Variants in EPS15 observed in about 807,000 individuals in gnomAD.
EPS15 encodes epidermal growth factor receptor substrate 15.
EPS15 carries 72 observed loss-of-function variants against 113.8 expected under a neutral mutation model. That is an observed-to-expected ratio of 0.63 (90% confidence interval 0.52 to 0.77). The LOEUF is 0.77. Among genes scored for constraint, EPS15 ranks in the 30% least tolerant of loss-of-function variants. EPS15 has a pLI of 0.00. For missense variants in EPS15, 1,048 were observed against 1,045.8 expected, an observed-to-expected ratio of 1.00 and a Z score of -0.03; for synonymous variants, 344 against 363.4, an observed-to-expected ratio of 0.95 and a Z score of 0.61.
chr1:51,480,255 A>T (rs967817704), intron 2 of EPS15, among the ~76,000 whole-genome samples: 7 of 152,366 alleles, frequency 4.6e-5, no homozygotes, highest in Admixed American at 4.6e-4. Flanking sequence ...CATAATCATA[A>T]GGTAGTGAGA....
intron 9 of EPS15, among the ~76,000 whole-genome samples, chr1:51,447,331 T>A (rs1462532905): frequency 6.6e-6 from 1 of 152,184 alleles, no homozygotes; most frequent in East Asian, 1.9e-4. Flanking sequence ...TAGGTGCACA[T>A]TTTTACTTTT....
chr1:51,473,601 A>G (rs1386581951), intron 2 of EPS15, among the ~76,000 whole-genome samples: 1 of 151,276 alleles, frequency 6.6e-6, no homozygotes, highest in East Asian at 1.9e-4. Context: ...CAAACAAACA[A>G]CAACAACAAC....
At chr1:51,510,485 A>C (rs1644600201) in intron 1 of EPS15, among the ~76,000 whole-genome samples, 1 of 152,214 alleles carries the variant, frequency 6.6e-6, no homozygotes, top group Admixed American at 6.5e-5. Context: ...AAAAGTATTT[A>C]GTATTTATTA....
intron 21 of EPS15, among the ~76,000 whole-genome samples, chr1:51,377,979 T>G (rs1263865146): frequency 6.7e-6 from 1 of 148,182 alleles, no homozygotes; most frequent in Non-Finnish European, 1.5e-5. Flanking sequence ...CACTGCAACC[T>G]CAGCCTCCTG....
At position 51,447,161 on chromosome 1, in the gene EPS15, T is replaced by C. The variant is rs1265007019; in HGVS notation, c.652-56A>G. ...CCAAAATGAAACAAACTTTGAAGTG[T>C]CACTCTTTCAATCCATTACAATATC... On this transcript the variant is annotated intron_variant, in intron 9 of 24. Coordinates refer to ENST00000371733, the MANE Select transcript of EPS15 (RefSeq NM_001981.3). 4.8e-6 allele frequency: 7 copies of C among 1,470,802 alleles called. No homozygotes were observed. The African/African-American group carries it at 8.4e-5, about 18-fold the overall frequency. The allele number at this position is 1,470,802 out of a possible 1,614,324, so 91.1% of individuals were successfully genotyped here.
intron 8 of EPS15, chr1:51,458,094 G>A (rs1046808748): frequency 6.6e-6 from 1 of 151,870 alleles, no homozygotes; most frequent in African/African-American, 2.4e-5. Flanking sequence ...AGAGGGAACA[G>A]GAGAAGCAGT....
At chr1:51,434,932 A>C (rs563960208) in intron 12 of EPS15, among the ~76,000 whole-genome samples, 1 of 152,126 alleles carries the variant, frequency 6.6e-6, no homozygotes, top group African/African-American at 2.4e-5. Flanking sequence ...TCAGCCTCCC[A>C]AAGTGCTGGG....
intron 7 of EPS15, 103 bp from the exon 8 acceptor site, chr1:51,461,253 C>A: frequency 1.3e-6 from 1 of 790,902 alleles, no homozygotes; most frequent in Non-Finnish European, 2.2e-6. Context: ...TGGCTCATGC[C>A]CATATGGCCT....
Position 51,421,796 on chromosome 1 carries a change from C to T in EPS15, c.1103G>A (p.Ser368Asn), listed in dbSNP as rs191037400. The T allele has an allele frequency of 6.3e-7, 1 of 1,592,038 alleles. No homozygotes were observed. ...TTTATGGTCACTTACCTGAACCTCACTTGTCCTCTGTTTAATAGTATCTTC... is the reference window on the plus strand; with the variant it reads ...TTTATGGTCACTTACCTGAACCTCATTTGTCCTCTGTTTAATAGTATCTTC... ...EKEDTIKQRT[S>N]EVQDLQDEVQ... Residue 368 changes from serine to asparagine, a missense_variant, in exon 13 of 25, where the codon AGT becomes AAT. Ser to Asn is a conservative substitution (Grantham distance 46). Transcript: ENST00000371733.
intron 9 of EPS15, among the ~76,000 whole-genome samples, chr1:51,447,681 T>C (rs1002146983): frequency 6.6e-6 from 1 of 152,202 alleles, no homozygotes; most frequent in African/African-American, 2.4e-5. Context: ...ACATGCCATG[T>C]TAGCATGGAG....
At chr1:51,437,111 G>A (rs1477704999) in intron 12 of EPS15, among the ~76,000 whole-genome samples, 2 of 151,860 alleles carry the variant, frequency 1.3e-5, no homozygotes, top group Non-Finnish European at 2.9e-5. Flanking sequence ...TATACCTAAA[G>A]GTATCTCGCA....
rs114625228 is a variant in EPS15 at position 51,447,946 on chromosome 1, G to A, written c.651+100C>T. 1.9e-4 allele frequency: 284 copies of A among 1,499,142 alleles called. 1 individual carries two copies. In the African/African-American group the frequency reaches 3.4e-3, roughly 18 times the overall value. The allele number at this position is 1,499,142 out of a possible 1,614,324, so 92.9% of individuals were successfully genotyped here. ...TGATAAATCTATACCTGTCTTAATG[G>A]TGCTTTGGTAGGTAAAATGCCTACA... On this transcript the variant is annotated intron_variant, in intron 9 of 24. Coordinates refer to ENST00000371733, the MANE Select transcript of EPS15 (RefSeq NM_001981.3).
chr1:51,397,712 T>C (rs1648096657), intron 20 of EPS15, among the ~76,000 whole-genome samples: 1 of 152,226 alleles, frequency 6.6e-6, no homozygotes, highest in Admixed American at 6.5e-5. Flanking sequence ...AGCTCTTTAC[T>C]GAATACAAAA....
chr1:51,404,663 T>C (rs1465947285), intron 16 of EPS15, among the ~76,000 whole-genome samples: 3 of 152,250 alleles, frequency 2.0e-5, no homozygotes, highest in African/African-American at 4.8e-5. Context: ...CTTCAATGGC[T>C]GTTCATTGCA....
chr1:51,474,606 G>A (rs1487010176), intron 2 of EPS15, among the ~76,000 whole-genome samples: 1 of 152,110 alleles, frequency 6.6e-6, no homozygotes. Flanking sequence ...TAATAGCTAT[G>A]TGCATAAGCC....
chr1:51,397,570 A>G lies in EPS15; in HGVS notation c.2052+1462T>C, dbSNP rs557379658. Among the ~76,000 whole-genome samples the G allele has an allele frequency of 5.3e-5, 8 of 152,318 alleles. No homozygotes were observed. In the East Asian group the frequency reaches 1.5e-3, roughly 29 times the overall value. ...CAGCAATTTTAGAAGAATTTGGCAA[A>G]TGGGTCCACATTGCAAACTAAGTGC... is the stretch of plus-strand genomic sequence containing the variant. On this transcript the variant is annotated intron_variant, in intron 20 of 24. Transcript: ENST00000371733.
chr1:51,474,000 C>T (rs1222336221), intron 2 of EPS15, among the ~76,000 whole-genome samples: 1 of 152,148 alleles, frequency 6.6e-6, no homozygotes, highest in African/African-American at 2.4e-5. Context: ...GATCAGCATA[C>T]AAAACAAATA....
intron 16 of EPS15, among the ~76,000 whole-genome samples, chr1:51,403,907 T>C (rs1270439578): frequency 6.6e-6 from 1 of 152,198 alleles, no homozygotes; most frequent in Non-Finnish European, 1.5e-5. Flanking sequence ...CTGCCTCCAA[T>C]ACATGTATTT....
chr1:51,435,149 C>T (rs1652041909), intron 12 of EPS15, among the ~76,000 whole-genome samples: 1 of 151,156 alleles, frequency 6.6e-6, no homozygotes. Context: ...TGTGAGGATT[C>T]AAAAACCTTT....
Sources: gnomAD v4.1 joint callset for allele counts (sites outside exome capture counted in the v4.1 genomes callset) on GRCh38, gnomAD v4.1.1 for gene constraint, MANE v1.5 for transcripts, NCBI Gene and HGNC (gene_info 2026-07-23, HGNC 2026-07-21) for gene names.